Variants in CHST15 observed in about 807,000 individuals in gnomAD.
CHST15 encodes the protein B cell RAG associated protein (GALNAC4S-6ST).
Under a neutral mutation model 53.6 loss-of-function variants are expected in CHST15, and 30 were observed. The observed-to-expected ratio is 0.56, with a 90% CI of 0.42 to 0.76. CHST15 has a LOEUF of 0.76. Among genes scored for constraint, CHST15 ranks in the 30% least tolerant of loss-of-function variants. CHST15 has a pLI of 0.00. For missense variants in CHST15, 627 were observed against 740.5 expected (o/e 0.85, Z 1.78); for synonymous variants, 296 against 289.8 (o/e 1.02, Z -0.22).
At position 124,024,802 on chromosome 10, in the gene CHST15, G is replaced by A. The variant is rs910688945; in HGVS notation, c.1191-3390C>T. Among the ~76,000 whole-genome samples the A allele has an allele frequency of 3.3e-5, 5 of 152,232 alleles. No homozygotes were observed. Among genetic ancestry groups the A allele is most frequent in the African/African-American group, 1.2e-4 (5 of 41,460 alleles). On this transcript the variant is annotated intron_variant, in intron 5 of 7. Transcript: ENST00000435907. The surrounding 1 kb of genome is among the most constrained non-coding windows in gnomAD (Gnocchi z 4.0). ...GGTTTGGCTGTGTGCACTGAGGGGT[G>A]CCAGGTGGCAATTGGTCTGAGGGGT...
intron 7 of CHST15, chr10:124,010,978 A>G (rs2133814059): frequency 3.0e-6 from 3 of 983,878 alleles, no homozygotes; most frequent in Middle Eastern, 1.0e-3. Context: ...CGCCCTCTGG[A>G]GTGAGGCGAG....
chr10:124,022,872 A>C (rs2133872076), intron 5 of CHST15, among the ~76,000 whole-genome samples: 1 of 140,376 alleles, frequency 7.1e-6, no homozygotes, highest in East Asian at 2.1e-4. Context: ...GCTGGAGTAC[A>C]GTGGCGTGAT....
chr10:124,060,250 G>C (rs905082957), intron 1 of CHST15, among the ~76,000 whole-genome samples: 1 of 145,436 alleles, frequency 6.9e-6, no homozygotes, highest in Non-Finnish European at 1.5e-5. Flanking sequence ...TGCCAGCCCC[G>C]CCCCCAGGAG....
chr10:124,083,985 C>G (rs185640126), intron 1 of CHST15, among the ~76,000 whole-genome samples: 2 of 152,216 alleles, frequency 1.3e-5, no homozygotes, highest in Non-Finnish European at 2.9e-5. Flanking sequence ...CCAAGGCTCA[C>G]GGTTTCTAAG....
In CHST15 at chr10:124,009,200, G is replaced by A; in HGVS notation, c.*949C>T. The A allele has an allele frequency of 8.7e-7, 1 of 1,146,032 alleles. No homozygotes were observed. The highest frequency in any genetic ancestry group is 1.1e-6 in the Non-Finnish European group (1 of 914,132). The allele number at this position is 1,146,032 out of a possible 1,614,324, so 71.0% of individuals were successfully genotyped here. On this transcript the variant is annotated 3_prime_UTR_variant, in exon 8 of 8. Transcript: ENST00000435907. ...TGATGATCTTGTAAACCTGATGAGG[G>A]CTTGAATTACCTAGATTTTCCAAGA... is the stretch of plus-strand genomic sequence containing the variant.
intron 1 of CHST15, among the ~76,000 whole-genome samples, chr10:124,087,849 G>A (rs1949481257): frequency 6.6e-6 from 1 of 152,156 alleles, no homozygotes; most frequent in Non-Finnish European, 1.5e-5. Flanking sequence ...CATCAAATAT[G>A]GGCACAGCGG....
intron 1 of CHST15, among the ~76,000 whole-genome samples, chr10:124,072,109 A>G (rs1283587853): frequency 2.6e-5 from 4 of 152,220 alleles, no homozygotes; most frequent in African/African-American, 7.2e-5. Flanking sequence ...ACAGCTTCCA[A>G]GCCCTGCCCC....
At chr10:124,067,226 C>T (rs1047998668) in intron 1 of CHST15, among the ~76,000 whole-genome samples, 1 of 152,228 alleles carries the variant, frequency 6.6e-6, no homozygotes, top group Non-Finnish European at 1.5e-5. Context: ...AGATATTTAT[C>T]GTCCATGGAT....
chr10:124,023,845 CG>C (rs1464045795), intron 5 of CHST15, among the ~76,000 whole-genome samples: 55 of 128,608 alleles, frequency 4.3e-4, no homozygotes, highest in African/African-American at 1.6e-3. Flanking sequence ...TTTCCGTCTT[CG>C]TTTTTTTTTT....
At chr10:124,061,847 G>A (rs1948584442) in intron 1 of CHST15, among the ~76,000 whole-genome samples, 1 of 152,004 alleles carries the variant, frequency 6.6e-6, no homozygotes, top group African/African-American at 2.4e-5. Context: ...GGTGAAATAG[G>A]GAATTGAAAT....
Position 124,009,629 on chromosome 10 carries a change from G to C in CHST15, c.*520C>G. On this transcript the variant is annotated 3_prime_UTR_variant, in exon 8 of 8. Transcript: ENST00000435907. Reference sequence around the variant, plus strand: ...CGATCGCAACAAGAGTGTTTCAGAAGTGAATGTGGTATGATCACACCTGTG... The same window carrying C: ...CGATCGCAACAAGAGTGTTTCAGAACTGAATGTGGTATGATCACACCTGTG... 1 of 993,178 alleles carries C rather than the reference G, an allele frequency of 1.0e-6. No individual in the cohort carries two copies. The highest frequency in any genetic ancestry group is 1.7e-5 in the African/African-American group (1 of 57,390). The allele number at this position is 993,178 out of a possible 1,614,324, so 61.5% of individuals were successfully genotyped here.
At chr10:124,050,086 T>G (rs1217443519) in intron 1 of CHST15, among the ~76,000 whole-genome samples, 2 of 152,126 alleles carry the variant, frequency 1.3e-5, no homozygotes, top group Non-Finnish European at 2.9e-5. Context: ...TGTCTTACAT[T>G]TACAAGTTTT....
rs116399668 is a variant in CHST15, at chr10:124,053,850, T to C, written c.-512-7126A>G. ...GGAGGATTGCTTGAGCCTGGGGAGG[T>C]TGAGGCTACGGTGAGTTGTGATCAC... is the stretch of plus-strand genomic sequence containing the variant. On this transcript the variant is annotated intron_variant, in intron 1 of 7. Transcript: ENST00000435907. Among the ~76,000 whole-genome samples the C allele has an allele frequency of 5.2e-3, 788 of 151,758 alleles. 4 individuals carry two copies. Among genetic ancestry groups the C allele is most frequent in the African/African-American group, 0.018 (745 of 41,366 alleles).
intron 1 of CHST15, among the ~76,000 whole-genome samples, chr10:124,084,452 C>T (rs1352139085): frequency 4.0e-5 from 6 of 151,716 alleles, no homozygotes; most frequent in Non-Finnish European, 8.8e-5. Flanking sequence ...GCCTTAGGAA[C>T]AAGCTCCCCC....
chr10:124,008,267 T>C lies in CHST15; in HGVS notation c.*1882A>G, dbSNP rs1024391044. On this transcript the variant is annotated 3_prime_UTR_variant, in exon 8 of 8. Coordinates refer to ENST00000435907, the MANE Select transcript of CHST15 (RefSeq NM_001270764.2). ...GCAGAGAAATTAATCTATAAAAGGGTTGTGTCCAGAGCGGAGGAGCCTCAT... is the reference window on the plus strand; with the variant it reads ...GCAGAGAAATTAATCTATAAAAGGGCTGTGTCCAGAGCGGAGGAGCCTCAT... 5 of 1,181,772 alleles carry C rather than the reference T, an allele frequency of 4.2e-6. No homozygotes were observed. The highest frequency in any genetic ancestry group is 4.6e-5 in the Admixed American group (1 of 21,972). 73.2% of individuals were successfully genotyped at this position (1,181,772 alleles called of 1,614,324 possible).
At chr10:124,051,746 G>A (rs2134044967) in intron 1 of CHST15, among the ~76,000 whole-genome samples, 1 of 152,264 alleles carries the variant, frequency 6.6e-6, no homozygotes, top group East Asian at 1.9e-4. Context: ...CCCTTGCTTG[G>A]ACACCCCCTA....
At chr10:124,016,258 G>T (rs914619874) in intron 6 of CHST15, among the ~76,000 whole-genome samples, 3 of 152,256 alleles carry the variant, frequency 2.0e-5, no homozygotes, top group African/African-American at 7.2e-5. Flanking sequence ...CCAGCAGGGT[G>T]TGCCGGGGCC....
chr10:124,044,103 G>T (rs1030462169), intron 3 of CHST15, among the ~76,000 whole-genome samples: 3 of 145,870 alleles, frequency 2.1e-5, no homozygotes, highest in South Asian at 2.2e-4. Flanking sequence ...AGCAGGGAAC[G>T]GCACAGAGCA....
intron 1 of CHST15, among the ~76,000 whole-genome samples, chr10:124,067,966 T>C (rs1948799587): frequency 6.6e-6 from 1 of 152,158 alleles, no homozygotes; most frequent in African/African-American, 2.4e-5. Flanking sequence ...GTTTTCAAGT[T>C]TCATTAAAGG....
Sources: allele counts gnomAD v4.1 joint callset (sites outside exome capture counted in the v4.1 genomes callset), GRCh38; gene constraint gnomAD v4.1.1; non-coding constraint Gnocchi (gnomAD v3.1); transcripts MANE v1.5; gene names NCBI Gene and HGNC (gene_info 2026-07-23, HGNC 2026-07-21).